MAPK9: variants seen among roughly 807,000 people sequenced by gnomAD.
MAPK9 encodes the protein mitogen-activated protein kinase 9.
A neutral mutation model predicts 57.1 loss-of-function variants in MAPK9; 30 were observed. That is an observed-to-expected ratio of 0.53 (90% CI 0.39 to 0.71). The LOEUF is 0.71. Ranked by LOEUF, MAPK9 falls within the 30% of genes least tolerant of loss-of-function variation. The pLI, the probability that MAPK9 is intolerant of heterozygous loss-of-function variation, is 0.00. For missense variants in MAPK9, 362 were observed against 521.0 expected (o/e 0.69, Z 2.97); for synonymous variants, 155 against 177.0 (o/e 0.88, Z 0.99).
In MAPK9 at chr5:180,233,601, TTTAAAA is replaced by T. The variant is rs1238326436; in HGVS notation, c.*2777_*2782del. ...AATTGGACATGCTATACATTTATCT[TTTAAAA>T]TGTAGTCTGTATTATTTTCACCAAC... On this transcript the variant is annotated 3_prime_UTR_variant, in exon 12 of 12. Coordinates refer to ENST00000452135, the MANE Select transcript of MAPK9 (RefSeq NM_002752.5). 5.3e-5 allele frequency: 8 copies of T among 152,236 alleles called. No homozygotes were observed. The highest frequency in any genetic ancestry group is 1.0e-4 in the Non-Finnish European group (7 of 68,048). The allele number at this position is 152,236 out of a possible 1,614,324, so 9.4% of individuals were successfully genotyped here.
chr5:180,281,315 G>A (rs1488268451), intron 1 of MAPK9, among the ~76,000 whole-genome samples: 2 of 152,270 alleles, frequency 1.3e-5, no homozygotes, highest in Non-Finnish European at 2.9e-5. Flanking sequence ...ACACTAGGAA[G>A]TCTATCCACT....
At chr5:180,238,608 C>CTTCT (rs1757392083) in intron 10 of MAPK9, among the ~76,000 whole-genome samples, 2 of 85,168 alleles carry the variant, frequency 2.3e-5, no homozygotes, top group South Asian at 3.5e-4. Context: ...TCTTCTTCTT[C>CTTCT]TTTTTTTTTT....
intron 3 of MAPK9, among the ~76,000 whole-genome samples, chr5:180,268,110 C>A (rs1282371137): frequency 6.6e-6 from 1 of 152,132 alleles, no homozygotes; most frequent in East Asian, 1.9e-4. Context: ...AGGCGTGAGC[C>A]ACTGCACCCG....
At chr5:180,258,735 TA>T (rs988429635) in intron 5 of MAPK9, among the ~76,000 whole-genome samples, 2 of 151,736 alleles carry the variant, frequency 1.3e-5, no homozygotes, top group Non-Finnish European at 2.9e-5. Context: ...CTTATGAATA[TA>T]AAAAATGTGG....
intron 8 of MAPK9, among the ~76,000 whole-genome samples, chr5:180,242,174 C>T (rs1757725453): frequency 6.6e-6 from 1 of 152,116 alleles, no homozygotes; most frequent in Non-Finnish European, 1.5e-5. Flanking sequence ...TTTCTTTTTC[C>T]TTAAACAATC....
chr5:180,256,603 G>A (rs1427440284), intron 5 of MAPK9, among the ~76,000 whole-genome samples: 4 of 152,132 alleles, frequency 2.6e-5, no homozygotes, highest in African/African-American at 9.7e-5. Flanking sequence ...CAGGTGGGTG[G>A]GGATGGTGAG....
intron 9 of MAPK9, among the ~76,000 whole-genome samples, chr5:180,240,509 T>C (rs1017253617): frequency 6.6e-6 from 1 of 152,244 alleles, no homozygotes; most frequent in South Asian, 2.1e-4. Flanking sequence ...ATTTCACTCA[T>C]GGCATGAAGG....
intron 2 of MAPK9, among the ~76,000 whole-genome samples, chr5:180,277,105 G>C (rs1398843643): frequency 6.6e-6 from 1 of 152,106 alleles, no homozygotes; most frequent in Non-Finnish European, 1.5e-5. Context: ...AGATTAACTA[G>C]TTGCATAAAC....
intron 6 of MAPK9, among the ~76,000 whole-genome samples, chr5:180,248,299 C>A (rs1404413242): frequency 6.6e-6 from 1 of 152,246 alleles, no homozygotes; most frequent in Admixed American, 6.5e-5. Context: ...ACAGGAAGCA[C>A]ATGAAGCTGT....
At chr5:180,254,113 C>A (rs184980283) in intron 5 of MAPK9, among the ~76,000 whole-genome samples, 5 of 152,218 alleles carry the variant, frequency 3.3e-5, no homozygotes, top group African/African-American at 7.2e-5. Context: ...ATTATAGGCA[C>A]CTGCCACCAC....
chr5:180,246,983 A>G (rs1758173309), intron 7 of MAPK9: 1 of 158,160 alleles, frequency 6.3e-6, no homozygotes, highest in African/African-American at 2.4e-5. Flanking sequence ...TTGGGGGAAA[A>G]TATTTCAATG....
chr5:180,249,147 G>C lies in MAPK9; in HGVS notation c.451-9C>G, dbSNP rs775111002. ...TTGCTAGGCTTCAAATCCTAGGAAA[G>C]AAATGGCTTAAATTAGTAAAATGAA... On this transcript the variant is annotated splice_polypyrimidine_tract_variant and intron_variant, in intron 5 of 11. Coordinates refer to ENST00000452135, the MANE Select transcript of MAPK9 (RefSeq NM_002752.5). The C allele has an allele frequency of 2.0e-5, 32 of 1,600,988 alleles. No individual in the cohort carries two copies. The highest frequency in any genetic ancestry group is 2.6e-5 in the Non-Finnish European group (30 of 1,173,698).
At chr5:180,238,608 C>CTTTTTTTT (rs746336177) in intron 10 of MAPK9, among the ~76,000 whole-genome samples, 8 of 85,164 alleles carry the variant, frequency 9.4e-5, no homozygotes, top group Non-Finnish European at 1.6e-4. Context: ...TCTTCTTCTT[C>CTTTTTTTT]TTTTTTTTTT....
chr5:180,268,760 G>T (rs1362726246), intron 3 of MAPK9, among the ~76,000 whole-genome samples: 1 of 151,432 alleles, frequency 6.6e-6, no homozygotes, highest in Non-Finnish European at 1.5e-5. Flanking sequence ...CCGGGAGGTG[G>T]AGCTTGCAGC....
At chr5:180,284,190 G>A (rs776783917) in intron 1 of MAPK9, among the ~76,000 whole-genome samples, 25 of 152,252 alleles carry the variant, frequency 1.6e-4, no homozygotes, top group Middle Eastern at 3.4e-3. Flanking sequence ...TTTACAAATC[G>A]GGAAGTACAA....
At chr5:180,238,261 C>T in intron 11 of MAPK9, 71 bp downstream of exon 11, 1 of 1,247,922 alleles carries the variant, frequency 8.0e-7, no homozygotes, top group Admixed American at 1.8e-5. Context: ...CAGAACGAAA[C>T]TCTGTCTCAA....
At chr5:180,277,862 C>T (rs927769460) in intron 2 of MAPK9, among the ~76,000 whole-genome samples, 5 of 152,028 alleles carry the variant, frequency 3.3e-5, no homozygotes, top group Non-Finnish European at 5.9e-5. Flanking sequence ...GCCTCATAGC[C>T]TGGTGAAGGA....
intron 6 of MAPK9, 48 bp downstream of exon 6, chr5:180,248,925 G>C (rs370305760): frequency 1.1e-5 from 17 of 1,548,658 alleles, no homozygotes; most frequent in South Asian, 8.6e-5. Flanking sequence ...ACCACCGCTA[G>C]AGCAATTTCT....
chr5:180,275,290 T>C (rs1013554040), intron 2 of MAPK9, among the ~76,000 whole-genome samples: 11 of 152,222 alleles, frequency 7.2e-5, no homozygotes, highest in Non-Finnish European at 1.6e-4. Context: ...ACTAGGTACC[T>C]GGGGGCACTA....
Sources: allele counts gnomAD v4.1 joint callset (sites outside exome capture counted in the v4.1 genomes callset), GRCh38; gene constraint gnomAD v4.1.1; transcripts MANE v1.5; gene names NCBI Gene and HGNC (gene_info 2026-07-23, HGNC 2026-07-21).